The following SULT1B1 variants were observed in gnomAD, a reference collection of about 807,000 sequenced individuals.
The protein encoded by SULT1B1 is sulfotransferase family 1B member 1.
SULT1B1 carries 28 observed loss-of-function variants against 34.6 expected under a neutral mutation model. The observed-to-expected ratio is 0.81, with a 90% CI of 0.60 to 1.11. The LOEUF is 1.11. Among genes scored for constraint, SULT1B1 ranks in the 50% least tolerant of loss-of-function variants. The pLI is 0.00. For synonymous variants in SULT1B1, 147 were observed against 110.2 expected (o/e 1.33, Z -2.09); for missense variants, 374 against 352.2 (o/e 1.06, Z -0.50).
Position 69,734,240 on chromosome 4 carries a change from TGGC to T in SULT1B1, c.397_399del (p.Ala133del). The T allele has an allele frequency of 6.2e-7, 1 of 1,611,960 alleles. No individual in the cohort carries two copies. Among genetic ancestry groups the T allele is most frequent in the Non-Finnish European group, 8.5e-7 (1 of 1,179,098 alleles). The stretch of plus-strand genomic sequence containing the variant: ...TGGTAATATGAGACTGAAACATCCT[TGGC>T]ATTACGAGCCAGATAAATCATCTGC... On this transcript the variant is annotated inframe_deletion, in exon 5 of 8. Transcript: ENST00000310613.
intron 7 of SULT1B1, among the ~76,000 whole-genome samples, chr4:69,729,308 A>T: frequency 6.6e-6 from 1 of 152,060 alleles, no homozygotes; most frequent in East Asian, 1.9e-4. Context: ...TTGCATGATG[A>T]GAAACCCACC....
At chr4:69,732,810 A>G (rs1016485874) in intron 6 of SULT1B1, among the ~76,000 whole-genome samples, 13 of 151,870 alleles carry the variant, frequency 8.6e-5, no homozygotes, top group African/African-American at 3.1e-4. Context: ...GAAAGATACA[A>G]TAGATACACT....
chr4:69,737,000 G>C (rs1344915273), intron 4 of SULT1B1, among the ~76,000 whole-genome samples: 4 of 150,628 alleles, frequency 2.7e-5, no homozygotes, highest in Non-Finnish European at 4.4e-5. Flanking sequence ...ATATATCTAA[G>C]AAGTTGTGTG....
chr4:69,744,456 C>T (rs1240192443), intron 4 of SULT1B1, among the ~76,000 whole-genome samples: 1 of 152,152 alleles, frequency 6.6e-6, no homozygotes, highest in African/African-American at 2.4e-5. Context: ...GCTGTTCCTG[C>T]AGCCGCTCCT....
rs770492024 is a variant in SULT1B1 at position 69,722,473 on chromosome 4, G to A, written c.*4615C>T. On this transcript the variant is annotated 3_prime_UTR_variant, in exon 8 of 8. Transcript: ENST00000310613. ...AGATACATGATTTAGTTTACTTCTCGTGGACAAGGGTATTGGAGAAAGCTG... is the reference window on the plus strand; with the variant it reads ...AGATACATGATTTAGTTTACTTCTCATGGACAAGGGTATTGGAGAAAGCTG... The A allele has an allele frequency of 1.3e-5, 2 of 152,016 alleles. No homozygotes were observed. The highest frequency in any genetic ancestry group is 2.4e-5 in the African/African-American group (1 of 41,390). The allele number at this position is 152,016 out of a possible 1,614,324, so 9.4% of individuals were successfully genotyped here. A position where few individuals can be genotyped will look rare whatever the true frequency, so the allele number is the denominator to read the frequency against.
intron 1 of SULT1B1, among the ~76,000 whole-genome samples, chr4:69,759,887 A>G (rs1243069134): frequency 1.3e-5 from 2 of 152,242 alleles, no homozygotes; most frequent in Non-Finnish European, 1.5e-5. Context: ...ATATTAATGG[A>G]ACAAAAGAGA....
chr4:69,752,880 C>T (rs1388833755), intron 3 of SULT1B1, among the ~76,000 whole-genome samples: 1 of 152,192 alleles, frequency 6.6e-6, no homozygotes, highest in Non-Finnish European at 1.5e-5. Context: ...TTGAATACCC[C>T]TCTCATTTAC....
chr4:69,742,605 G>A (rs748265452), intron 4 of SULT1B1, among the ~76,000 whole-genome samples: 24 of 152,282 alleles, frequency 1.6e-4, no homozygotes, highest in Middle Eastern at 6.8e-3. Context: ...AGTGTTATGA[G>A]ATCCTTGGGG....
Position 69,733,464 on chromosome 4 carries a change from C to G in SULT1B1, c.546G>C (p.Lys182Asn), listed in dbSNP as rs765728127. 5.0e-6 allele frequency: 8 copies of G among 1,607,696 alleles called. No homozygotes were observed. The Admixed American group carries it at 8.5e-5, about 17-fold the overall frequency. Residue 182 changes from lysine to asparagine, a missense_variant, in exon 6 of 8, where the codon AAG becomes AAC. Physicochemically the swap from Lys to Asn is moderately conservative, Grantham distance 94. Transcript: ENST00000310613. ...SWFTHVKNWW[K>N]KKEEHPILFL... ...AAAGTATTGGGTGTTCTTCCTTTTTCTTCCACCAGTTTTTAACATGAGTAA... is the reference window on the plus strand; with the variant it reads ...AAAGTATTGGGTGTTCTTCCTTTTTGTTCCACCAGTTTTTAACATGAGTAA...
intron 4 of SULT1B1, among the ~76,000 whole-genome samples, chr4:69,744,154 C>T (rs1169632695): frequency 1.1e-4 from 16 of 152,274 alleles, no homozygotes; most frequent in Admixed American, 4.6e-4. Context: ...TGTCTAACCA[C>T]GCTGCTCCCC....
intron 4 of SULT1B1, among the ~76,000 whole-genome samples, chr4:69,746,635 A>T (rs1008721243): frequency 6.6e-6 from 1 of 151,890 alleles, no homozygotes; most frequent in South Asian, 2.1e-4. Context: ...TTGGGTTTCA[A>T]CCTTTTTCTA....
chr4:69,728,521 A>G (rs1717928062), intron 7 of SULT1B1, among the ~76,000 whole-genome samples: 1 of 152,042 alleles, frequency 6.6e-6, no homozygotes, highest in African/African-American at 2.4e-5. Context: ...AAAGATATGT[A>G]TCATTTACCT....
At chr4:69,747,950 A>G (rs1405731407) in intron 4 of SULT1B1, among the ~76,000 whole-genome samples, 5 of 151,950 alleles carry the variant, frequency 3.3e-5, no homozygotes, top group Non-Finnish European at 1.5e-5. Flanking sequence ...ATTTTTTTGG[A>G]GTATGCCAGC....
At chr4:69,735,295 A>T (rs1425407116) in intron 4 of SULT1B1, among the ~76,000 whole-genome samples, 1 of 152,182 alleles carries the variant, frequency 6.6e-6, no homozygotes. Context: ...TGTGACCTGG[A>T]ACCATTTACA....
In SULT1B1 at chr4:69,722,273, T is replaced by G. The variant is rs923129048; in HGVS notation, c.*4815A>C. 3 of 152,122 alleles carry G rather than the reference T, an allele frequency of 2.0e-5. No homozygotes were observed. Among genetic ancestry groups the G allele is most frequent in the Admixed American group, 1.3e-4 (2 of 15,240 alleles). The allele number at this position is 152,122 out of a possible 1,614,324, so 9.4% of individuals were successfully genotyped here. On this transcript the variant is annotated 3_prime_UTR_variant, in exon 8 of 8. Coordinates refer to ENST00000310613, the MANE Select transcript of SULT1B1 (RefSeq NM_014465.4). ...GAGAGTTATTTCTACAAAGTAAAAC[T>G]AGAAAATGTGGAAATTATTTTATCT... is the stretch of plus-strand genomic sequence containing the variant.
chr4:69,730,211 A>G (rs993471051), intron 7 of SULT1B1, among the ~76,000 whole-genome samples: 2 of 152,168 alleles, frequency 1.3e-5, no homozygotes, highest in Non-Finnish European at 2.9e-5. Context: ...GAAGGGAGTA[A>G]GAATGACAAA....
Position 69,754,769 on chromosome 4 carries a change from T to C in SULT1B1, c.178A>G (p.Met60Val). ...TCAATATCTCCATCATTTAGAATCA[T>C]GTCTATAATTTCACTAACCCAAGTA... ...GTTWVSEIID[M>V]ILNDGDIEKC... Residue 60 changes from methionine to valine, a missense_variant, in exon 3 of 8, where the codon ATG (methionine) becomes GTG (valine). Physicochemically the swap from Met to Val is conservative, Grantham distance 21. Transcript: ENST00000310613. 4 of 1,612,786 alleles carry C rather than the reference T, an allele frequency of 2.5e-6. No homozygotes were observed. The highest frequency in any genetic ancestry group is 2.5e-6 in the Non-Finnish European group (3 of 1,179,398).
chr4:69,758,993 A>G (rs2110034618), intron 1 of SULT1B1, among the ~76,000 whole-genome samples: 1 of 152,338 alleles, frequency 6.6e-6, no homozygotes, highest in Admixed American at 6.5e-5. Context: ...AAGATCCTCA[A>G]CTAATTTGTT....
At chr4:69,744,420 G>A (rs571845033) in intron 4 of SULT1B1, among the ~76,000 whole-genome samples, 1 of 152,260 alleles carries the variant, frequency 6.6e-6, no homozygotes, top group Non-Finnish European at 1.5e-5. Flanking sequence ...GGGGTCATGG[G>A]GCACAGGGGT....
Sources: gnomAD v4.1 joint callset for allele counts (sites outside exome capture counted in the v4.1 genomes callset) on GRCh38, gnomAD v4.1.1 for gene constraint, MANE v1.5 for transcripts, NCBI Gene and HGNC (gene_info 2026-07-23, HGNC 2026-07-21) for gene names.